The following KCNIP4 variants were observed in gnomAD, a reference collection of about 807,000 sequenced individuals.
KCNIP4 encodes the protein potassium voltage-gated channel interacting protein 4, also known as Kv channel-interacting protein 4.
KCNIP4 carries 12 observed loss-of-function variants against 34.0 expected under a neutral mutation model. The observed-to-expected ratio is 0.35, with a 90% CI of 0.23 to 0.57. The LOEUF is 0.57. KCNIP4 is among the 20% of genes least tolerant of loss of function. The probability of loss-of-function intolerance (pLI) is 0.83; values close to 1 mark genes in which losing one functional copy is unlikely to be tolerated. For synonymous variants in KCNIP4, 124 were observed against 102.2 expected, an observed-to-expected ratio of 1.21 and a Z score of -1.29; for missense variants, 238 against 311.7, an observed-to-expected ratio of 0.76 and a Z score of 1.78.
chr4:20,918,723 A>T (rs900121423), intron 1 of KCNIP4, among the ~76,000 whole-genome samples: 4 of 152,186 alleles, frequency 2.6e-5, no homozygotes, highest in East Asian at 3.9e-4. Context: ...TGTGTAATAC[A>T]TCATGGGTTT....
At position 21,629,849 on chromosome 4, in the gene KCNIP4, C is replaced by CTTTCTTTTT. The variant is rs777493931; in HGVS notation, c.61+318721_61+318722insAAAAAGAAA. ...ACCATATTTCCTTTTCTTTTTCTTT[C>CTTTCTTTTT]TTTTTTTTTTTTTTTTTTTGAGACA... On this transcript the variant is annotated intron_variant, in intron 1 of 8. Coordinates refer to ENST00000382152, the MANE Select transcript of KCNIP4 (RefSeq NM_025221.6). Among the ~76,000 whole-genome samples the CTTTCTTTTT allele has an allele frequency of 4.3e-4, 38 of 87,788 alleles. 1 individual carries two copies. In the East Asian group the frequency reaches 0.015, roughly 34 times the overall value. 57.6% of individuals were successfully genotyped at this position (87,788 alleles called of 152,430 possible). A position where few individuals can be genotyped will look rare whatever the true frequency, so the allele number is the denominator to read the frequency against.
rs543766228 is a variant in KCNIP4 at position 20,739,858 on chromosome 4, C to T, written c.430-5123G>A. Among the ~76,000 whole-genome samples, 165 of 152,204 alleles carry T rather than the reference C, an allele frequency of 1.1e-3. 1 individual carries two copies. Among genetic ancestry groups the T allele is most frequent in the Non-Finnish European group, 6.2e-4 (42 of 67,998 alleles). ...CTAAAAACCTTGAGAAAAGATTAGACGAATGGCTGACTAGAATAAACAGCG... is the reference window on the plus strand; with the variant it reads ...CTAAAAACCTTGAGAAAAGATTAGATGAATGGCTGACTAGAATAAACAGCG... On this transcript the variant is annotated intron_variant, in intron 5 of 8. Transcript: ENST00000382152.
intron 1 of KCNIP4, among the ~76,000 whole-genome samples, chr4:21,124,128 T>A (rs1443610819): frequency 3.9e-5 from 6 of 152,164 alleles, no homozygotes; most frequent in African/African-American, 1.2e-4. Flanking sequence ...ATATATATAT[T>A]TTTTGTTCTG....
At chr4:21,817,864 C>T (rs1489673245) in intron 1 of KCNIP4, among the ~76,000 whole-genome samples, 1 of 152,168 alleles carries the variant, frequency 6.6e-6, no homozygotes, top group African/African-American at 2.4e-5. Context: ...TGAACACAGA[C>T]CCTTATCAGT....
intron 5 of KCNIP4, among the ~76,000 whole-genome samples, chr4:20,744,351 T>A (rs1286124571): frequency 6.6e-6 from 1 of 152,150 alleles, no homozygotes; most frequent in Non-Finnish European, 1.5e-5. Flanking sequence ...AAAGACTTGG[T>A]ACCAACCCAA....
At chr4:21,561,802 G>A (rs777864450) in intron 1 of KCNIP4, among the ~76,000 whole-genome samples, 13 of 151,884 alleles carry the variant, frequency 8.6e-5, no homozygotes, top group African/African-American at 9.7e-5. Flanking sequence ...TCCTTTAATC[G>A]TTCATAAATC....
At chr4:21,217,698 G>A (rs961206550) in intron 1 of KCNIP4, among the ~76,000 whole-genome samples, 1 of 152,172 alleles carries the variant, frequency 6.6e-6, no homozygotes, top group Non-Finnish European at 1.5e-5. Context: ...AAGGCAAAGA[G>A]CAATAAAATC....
At chr4:21,366,864 G>A (rs1228251285) in intron 1 of KCNIP4, among the ~76,000 whole-genome samples, 2 of 152,104 alleles carry the variant, frequency 1.3e-5, no homozygotes, top group South Asian at 2.1e-4. Flanking sequence ...CACTAAAAAT[G>A]GGGTTGTCAT....
chr4:21,129,754 G>T (rs1750919149), intron 1 of KCNIP4, among the ~76,000 whole-genome samples: 2 of 152,064 alleles, frequency 1.3e-5, no homozygotes, highest in African/African-American at 4.8e-5. Context: ...GAAAACTTGG[G>T]TCATTTTAAA....
intron 1 of KCNIP4, among the ~76,000 whole-genome samples, chr4:21,532,029 C>T (rs972431571): frequency 2.6e-5 from 4 of 151,896 alleles, no homozygotes; most frequent in South Asian, 2.1e-4. Flanking sequence ...TCAGAGTGTT[C>T]GGTGCATGAT....
At chr4:21,433,272 T>C (rs1364485263) in intron 1 of KCNIP4, among the ~76,000 whole-genome samples, 3 of 152,188 alleles carry the variant, frequency 2.0e-5, no homozygotes, top group Non-Finnish European at 2.9e-5. Context: ...GAACATTCCC[T>C]AGGAACTGTT....
intron 1 of KCNIP4, among the ~76,000 whole-genome samples, chr4:21,381,450 T>C (rs577183247): frequency 4.6e-5 from 7 of 152,284 alleles, no homozygotes; most frequent in Admixed American, 3.9e-4. Context: ...CTTTTAAAAA[T>C]ACTTGGCATT....
In KCNIP4 at chr4:21,128,024, A is replaced by T. The variant is rs566627005; in HGVS notation, c.62-245315T>A. On this transcript the variant is annotated intron_variant, in intron 1 of 8. Transcript: ENST00000382152. ...TCCATCACATTTGCCTTGCATAATC[A>T]TCTATGTTTATTAAAAGGGTTCCTG... 3.7e-4 allele frequency among the ~76,000 whole-genome samples: 57 copies of T among 152,358 alleles called. No individual in the cohort carries two copies. In the South Asian group the frequency reaches 0.011, roughly 30 times the overall value.
intron 1 of KCNIP4, among the ~76,000 whole-genome samples, chr4:21,658,693 G>A (rs190249699): frequency 7.5e-4 from 114 of 152,216 alleles, no homozygotes; most frequent in African/African-American, 2.5e-3. Context: ...GAGCCACCGC[G>A]CCAGGCCCAC....
intron 1 of KCNIP4, among the ~76,000 whole-genome samples, chr4:21,824,674 A>C (rs1450279052): frequency 6.6e-6 from 1 of 152,148 alleles, no homozygotes; most frequent in Non-Finnish European, 1.5e-5. Context: ...TATTTGAGTA[A>C]TAAAACTCTG....
chr4:21,378,520 G>T (rs1044604665), intron 1 of KCNIP4, among the ~76,000 whole-genome samples: 2 of 152,132 alleles, frequency 1.3e-5, no homozygotes, highest in Non-Finnish European at 1.5e-5. Context: ...CATTCCAAAA[G>T]TCGGCAGGTG....
Position 20,975,210 on chromosome 4 carries a change from G to T in KCNIP4, c.62-92501C>A, listed in dbSNP as rs139638482. 5.3e-5 allele frequency among the ~76,000 whole-genome samples: 8 copies of T among 152,218 alleles called. No homozygotes were observed. The East Asian group carries it at 1.4e-3, about 26-fold the overall frequency. ...GATCTTTTATTTTTAAGAGAGTGTA[G>T]ACTTAAGGTGATTTTATTTTATTTT... On this transcript the variant is annotated intron_variant, in intron 1 of 8. Coordinates refer to ENST00000382152, the MANE Select transcript of KCNIP4 (RefSeq NM_025221.6).
chr4:21,121,222 C>G (rs11945510), intron 1 of KCNIP4, among the ~76,000 whole-genome samples: 2 of 151,926 alleles, frequency 1.3e-5, no homozygotes, highest in African/African-American at 4.8e-5. Flanking sequence ...GGCCCTTTGC[C>G]CCACTGCTGT....
chr4:21,524,484 T>C (rs939855843), intron 1 of KCNIP4, among the ~76,000 whole-genome samples: 1 of 152,214 alleles, frequency 6.6e-6, no homozygotes, highest in Non-Finnish European at 1.5e-5. Flanking sequence ...ATAGCCACTA[T>C]GACTTTTTTT....
Sources: gnomAD v4.1 joint callset for allele counts (sites outside exome capture counted in the v4.1 genomes callset) on GRCh38, gnomAD v4.1.1 for gene constraint, MANE v1.5 for transcripts, NCBI Gene and HGNC (gene_info 2026-07-23, HGNC 2026-07-21) for gene names.